Variants in BEAN1 observed in about 807,000 individuals in gnomAD.
BEAN1 encodes brain expressed associated with NEDD4 1, also known as protein BEAN1.
Under a neutral mutation model 17.7 loss-of-function variants are expected in BEAN1, and 17 were observed. That is an observed-to-expected ratio of 0.96 (90% CI 0.66 to 1.44). The LOEUF is 1.44. Ranked by LOEUF, BEAN1 falls within the 40% of genes most tolerant of loss-of-function variation. The pLI is 0.00. For synonymous variants in BEAN1, 142 were observed against 151.8 expected (o/e 0.94, Z 0.47); for missense variants, 359 against 374.1 (o/e 0.96, Z 0.33).
In BEAN1 at chr16:66,434,523, A is replaced by AC. The variant is rs1042540470; in HGVS notation, c.-82-3066dup. ...CTGAAAGTCCAGCTCCTATTTTAGG[A>AC]CCCCCCAAAGTCCCTCCATGTGTTT... On this transcript the variant is annotated intron_variant, in intron 1 of 4. Transcript: ENST00000536005. The surrounding 1 kb of genome is among the most constrained non-coding windows in gnomAD (Gnocchi z 4.3). Among the ~76,000 whole-genome samples the AC allele has an allele frequency of 6.0e-4, 91 of 151,684 alleles. No homozygotes were observed. The highest frequency in any genetic ancestry group is 2.1e-4 in the Non-Finnish European group (14 of 67,916).
In BEAN1 at chr16:66,471,931, C is replaced by A. The variant is rs1470278298; in HGVS notation, c.289+2066C>A. ...TGCAAGAGAAACCCAGGTCCCCAAG[C>A]CCTGGAGGATGCCGGGTAGACCCAG... On this transcript the variant is annotated intron_variant, in intron 3 of 4. Transcript: ENST00000536005. The surrounding 1 kb of genome is among the most constrained non-coding windows in gnomAD (Gnocchi z 4.7). Among the ~76,000 whole-genome samples, 3 of 152,224 alleles carry A rather than the reference C, an allele frequency of 2.0e-5. No individual in the cohort carries two copies. The highest frequency in any genetic ancestry group is 6.5e-5 in the Admixed American group (1 of 15,290).
chr16:66,455,928 C>A (rs1962849585), intron 2 of BEAN1, among the ~76,000 whole-genome samples: 1 of 152,198 alleles, frequency 6.6e-6, no homozygotes, highest in Admixed American at 6.5e-5. Context: ...CTCAAGCAAT[C>A]CGCCCACCTC....
Position 66,477,579 on chromosome 16 carries a change from C to G in BEAN1, c.309C>G (p.Tyr103Ter). 2 of 1,547,376 alleles carry G rather than the reference C, an allele frequency of 1.3e-6. No individual in the cohort carries two copies. The highest frequency in any genetic ancestry group is 1.7e-6 in the Non-Finnish European group (2 of 1,145,766). The change falls in exon 4 of 5, where the codon TAC (tyrosine) becomes TAG (stop). Residue 103 changes from tyrosine (Y) to a stop codon, truncating the protein, a stop_gained. Coordinates refer to ENST00000536005, the MANE Select transcript of BEAN1 (RefSeq NM_001178020.3). LOFTEE classifies it high-confidence loss of function. Reference protein sequence around the residue: ...EHGYVSDEHTYSRSSRRMRYA... With the variant: ...EHGYVSDEHT ...CTGCAGTGTCGGACGAGCACACATA[C>G]AGCCGCTCAAGCCGCAGGATGCGCT...
At chr16:66,486,411 G>A (rs1456089538), downstream of BEAN1, among the ~76,000 whole-genome samples, 3 of 152,184 alleles carry the variant, frequency 2.0e-5, no homozygotes, top group East Asian at 3.9e-4. Context: ...ATGTCACTGC[G>A]CCCAGCTAAA....
chr16:66,430,115 A>G (rs1469793056), intron 1 of BEAN1, among the ~76,000 whole-genome samples: 1 of 152,246 alleles, frequency 6.6e-6, no homozygotes, highest in Non-Finnish European at 1.5e-5. Context: ...GGTTCTGGGA[A>G]GGTGACTTAT....
At chr16:66,454,476 T>A (rs531795714) in intron 2 of BEAN1, among the ~76,000 whole-genome samples, 1 of 152,338 alleles carries the variant, frequency 6.6e-6, no homozygotes, top group South Asian at 2.1e-4. Flanking sequence ...TTTGTCATTA[T>A]GAAATGTCTT....
In BEAN1 at chr16:66,427,684, C is replaced by G. The variant is rs1274860585; in HGVS notation, c.-83+253C>G. 6.6e-6 allele frequency: 1 copy of G among 152,086 alleles called. No homozygotes were observed. Among genetic ancestry groups the G allele is most frequent in the African/African-American group, 2.4e-5 (1 of 41,412 alleles). 9.4% of individuals were successfully genotyped at this position (152,086 alleles called of 1,614,324 possible). A position where few individuals can be genotyped will look rare whatever the true frequency, so the allele number is the denominator to read the frequency against. On this transcript the variant is annotated intron_variant, in intron 1 of 4. Coordinates refer to ENST00000536005, the MANE Select transcript of BEAN1 (RefSeq NM_001178020.3). This position sits in a 1 kb window ranked among gnomAD's most constrained non-coding sequence, Gnocchi z 4.7. Reference sequence around the variant, plus strand: ...TGGGATCTGCGCGAGCCGAGGCTGACCCTGATCGCGCCCTCGGGCCTCGGG... The same window carrying G: ...TGGGATCTGCGCGAGCCGAGGCTGAGCCTGATCGCGCCCTCGGGCCTCGGG...
At chr16:66,461,605 C>CAT (rs1358032920) in intron 2 of BEAN1, among the ~76,000 whole-genome samples, 1 of 151,350 alleles carries the variant, frequency 6.6e-6, no homozygotes, top group Non-Finnish European at 1.5e-5. Flanking sequence ...CACACACACA[C>CAT]ACACACACAA....
chr16:66,489,691 T>C (rs1047930243), intron 4 of BEAN1, among the ~76,000 whole-genome samples: 20 of 152,086 alleles, frequency 1.3e-4, no homozygotes, highest in African/African-American at 4.6e-4. Context: ...AGAAAATATG[T>C]TGCAAGGTTG....
intron 2 of BEAN1, among the ~76,000 whole-genome samples, chr16:66,466,408 C>T (rs779774108): frequency 1.2e-4 from 19 of 152,100 alleles, no homozygotes; most frequent in Non-Finnish European, 2.4e-4. Flanking sequence ...TTCTCTCTGC[C>T]CACTTCAGAT....
chr16:66,469,757 A>T lies in BEAN1; in HGVS notation c.181A>T (p.Arg61Trp). The change falls in exon 3 of 5, where the codon AGG (arginine) becomes TGG (tryptophan). Residue 61 changes from arginine to tryptophan, a missense_variant. Coordinates refer to ENST00000536005, the MANE Select transcript of BEAN1 (RefSeq NM_001178020.3). ...CACCATCATTGTGGGCAGCATCCGC[A>T]GGGACAGGCAGGCCCGGCTTCAGCG... ...CITIIVGSIR[R>W]DRQARLQRHR... The T allele has an allele frequency of 6.5e-7, 1 of 1,536,120 alleles. No individual in the cohort carries two copies. The highest frequency in any genetic ancestry group is 2.4e-5 in the East Asian group (1 of 40,916).
At chr16:66,441,845 G>A (rs902822953) in intron 2 of BEAN1, among the ~76,000 whole-genome samples, 1 of 152,128 alleles carries the variant, frequency 6.6e-6, no homozygotes, top group African/African-American at 2.4e-5. Flanking sequence ...AATCGGCCAG[G>A]CTGGGCTGAC....
chr16:66,453,244 T>C (rs1567492405), intron 2 of BEAN1, among the ~76,000 whole-genome samples: 1 of 152,158 alleles, frequency 6.6e-6, no homozygotes, highest in African/African-American at 2.4e-5. Flanking sequence ...TCTTCTTTTC[T>C]AATATAAGTA....
At chr16:66,493,557 T>C, downstream of BEAN1, 1 of 576,718 alleles carries the variant, frequency 1.7e-6, no homozygotes, top group Non-Finnish European at 3.1e-6. Flanking sequence ...CTGAGAAGCC[T>C]GAAGGGAAAC....
intron 1 of BEAN1, among the ~76,000 whole-genome samples, chr16:66,436,044 G>T (rs1962002131): frequency 6.6e-6 from 1 of 152,054 alleles, no homozygotes; most frequent in African/African-American, 2.4e-5. Flanking sequence ...TTGGCTTTAG[G>T]GCTGCCAGCT....
chr16:66,490,112 G>A (rs1964144115), intron 4 of BEAN1, among the ~76,000 whole-genome samples: 1 of 150,942 alleles, frequency 6.6e-6, no homozygotes, highest in Non-Finnish European at 1.5e-5. Context: ...CAGATGCGGT[G>A]GCTCATGCCT....
intron 3 of BEAN1, 142 bp downstream of exon 3, chr16:66,470,007 G>T (rs1963415643): frequency 1.7e-6 from 2 of 1,156,684 alleles, no homozygotes. Context: ...TGGTCAGGAA[G>T]AGCTCACAGG....
At chr16:66,452,481 C>T (rs1183443445) in intron 2 of BEAN1, among the ~76,000 whole-genome samples, 1 of 152,124 alleles carries the variant, frequency 6.6e-6, no homozygotes, top group Admixed American at 6.6e-5. Context: ...GCATGGTGAA[C>T]AGTGAAGGAG....
At chr16:66,443,067 T>A (rs1962319891) in intron 2 of BEAN1, among the ~76,000 whole-genome samples, 1 of 151,998 alleles carries the variant, frequency 6.6e-6, no homozygotes, top group South Asian at 2.1e-4. Context: ...CACTAATCAA[T>A]TGTAGCACTC....
Sources: gnomAD v4.1 joint callset for allele counts (sites outside exome capture counted in the v4.1 genomes callset) on GRCh38, gnomAD v4.1.1 for gene constraint, Gnocchi (gnomAD v3.1) non-coding constraint, MANE v1.5 for transcripts, NCBI Gene and HGNC (gene_info 2026-07-23, HGNC 2026-07-21) for gene names.